Variants in VWA8 observed in about 807,000 individuals in gnomAD.
The protein encoded by VWA8 is von Willebrand factor A domain containing 8, also known as von Willebrand factor A domain-containing protein 8.
A neutral mutation model predicts 241.5 loss-of-function variants in VWA8; 221 were observed. The observed-to-expected ratio is 0.91, with a 90% CI of 0.82 to 1.02. The LOEUF (loss-of-function observed/expected upper bound fraction) is 1.02. Ranked by LOEUF, VWA8 falls within the 50% of genes least tolerant of loss-of-function variation. VWA8 has a pLI of 0.00. For synonymous variants in VWA8, 852 were observed against 827.1 expected, an observed-to-expected ratio of 1.03 and a Z score of -0.52; for missense variants, 2,322 against 2,328.7, an observed-to-expected ratio of 1.00 and a Z score of 0.06.
chr13:41,735,208 T>C (rs1052276389), intron 21 of VWA8, among the ~76,000 whole-genome samples: 1 of 152,194 alleles, frequency 6.6e-6, no homozygotes, highest in Non-Finnish European at 1.5e-5. Flanking sequence ...GGCAATAACA[T>C]GTCATCTTCC....
At chr13:41,953,704 G>A (rs1412158477) in intron 1 of VWA8, among the ~76,000 whole-genome samples, 1 of 152,164 alleles carries the variant, frequency 6.6e-6, no homozygotes, top group African/African-American at 2.4e-5. Context: ...AGCTACTTGG[G>A]AGACTGAAGC....
At chr13:41,578,304 C>G (rs750083754) in intron 42 of VWA8, among the ~76,000 whole-genome samples, 1 of 152,136 alleles carries the variant, frequency 6.6e-6, no homozygotes, top group Non-Finnish European at 1.5e-5. Context: ...TTTGCAGGCC[C>G]TGGTTTCTCA....
At chr13:41,679,641 A>T (rs370883394) in intron 35 of VWA8, among the ~76,000 whole-genome samples, 15 of 152,264 alleles carry the variant, frequency 9.9e-5, no homozygotes, top group South Asian at 6.2e-4. Flanking sequence ...AAGCTACCTC[A>T]TTATTGTGAA....
intron 37 of VWA8, among the ~76,000 whole-genome samples, chr13:41,647,137 T>C (rs865910810): frequency 4.6e-5 from 7 of 152,198 alleles, no homozygotes; most frequent in Non-Finnish European, 7.3e-5. Flanking sequence ...AGTACATCTC[T>C]GTTTATCATT....
chr13:41,657,909 C>A (rs185584294), intron 37 of VWA8, among the ~76,000 whole-genome samples: 3 of 152,206 alleles, frequency 2.0e-5, no homozygotes. Flanking sequence ...AAGGTCTTGT[C>A]CTAAGACGTC....
At chr13:41,594,184 T>C (rs2044474021) in intron 40 of VWA8, among the ~76,000 whole-genome samples, 1 of 151,716 alleles carries the variant, frequency 6.6e-6, no homozygotes, top group African/African-American at 2.4e-5. Context: ...GGTACGATCA[T>C]AGCTCACTGC....
At chr13:41,733,458 G>C (rs1012222222) in intron 21 of VWA8, among the ~76,000 whole-genome samples, 2 of 152,190 alleles carry the variant, frequency 1.3e-5, no homozygotes, top group Admixed American at 6.5e-5. Context: ...ATTGCTGATA[G>C]AACACTTGGA....
intron 32 of VWA8, among the ~76,000 whole-genome samples, chr13:41,690,770 G>A (rs1475003322): frequency 6.6e-6 from 1 of 152,130 alleles, no homozygotes; most frequent in African/African-American, 2.4e-5. Flanking sequence ...GGCAGAAAGA[G>A]TCTGCACTTA....
chr13:41,826,087 T>G (rs777767609), intron 14 of VWA8, among the ~76,000 whole-genome samples: 1 of 152,198 alleles, frequency 6.6e-6, no homozygotes, highest in Non-Finnish European at 1.5e-5. Flanking sequence ...AAGAACATAT[T>G]TATTTTCAGA....
chr13:41,808,512 C>T (rs1370693386), intron 17 of VWA8, among the ~76,000 whole-genome samples: 1 of 152,136 alleles, frequency 6.6e-6, no homozygotes, highest in East Asian at 1.9e-4. Flanking sequence ...CATGAGAACT[C>T]ACTCACTGTC....
intron 34 of VWA8, among the ~76,000 whole-genome samples, chr13:41,687,877 A>G (rs1221411215): frequency 6.6e-6 from 1 of 152,172 alleles, no homozygotes; most frequent in Non-Finnish European, 1.5e-5. Flanking sequence ...ACAGGCTATA[A>G]GAATTTCTAC....
rs778973721 is a variant in VWA8 at position 41,732,106 on chromosome 13, G to A, written c.2476C>T (p.Leu826Phe). Reference protein sequence around the residue: ...LTLQPSVKDGLIVYEDSPLVK... With the variant: ...LTLQPSVKDGFIVYEDSPLVK... ...AAAGGTGAGTCTTCATATACAATAA[G>A]TCCGTCTTTAACCGAAGGCTGAAGC... is the stretch of plus-strand genomic sequence containing the variant. The change falls in exon 22 of 45, where the codon CTT becomes TTT. Residue 826 changes from leucine (L) to phenylalanine (F), a missense_variant. By Grantham distance (22) the Leu-to-Phe change is conservative. Transcript: ENST00000379310. The A allele has an allele frequency of 5.5e-5, 89 of 1,613,086 alleles. No individual in the cohort carries two copies. The highest frequency in any genetic ancestry group is 7.2e-5 in the Non-Finnish European group (85 of 1,179,554).
At chr13:41,658,280 G>A (rs2044923422) in intron 37 of VWA8, among the ~76,000 whole-genome samples, 1 of 152,082 alleles carries the variant, frequency 6.6e-6, no homozygotes, top group Non-Finnish European at 1.5e-5. Flanking sequence ...GCAAAATGGT[G>A]AGATTCCAGT....
chr13:41,571,930 C>A (rs894112712), intron 43 of VWA8, among the ~76,000 whole-genome samples: 6 of 151,742 alleles, frequency 4.0e-5, no homozygotes, highest in Non-Finnish European at 8.8e-5. Context: ...CGCCCATCGT[C>A]TGAGATGTGA....
At chr13:41,602,487 A>G (rs2044528046) in intron 40 of VWA8, among the ~76,000 whole-genome samples, 1 of 152,138 alleles carries the variant, frequency 6.6e-6, no homozygotes, top group South Asian at 2.1e-4. Flanking sequence ...TCACAGGATT[A>G]TGAGAATTGA....
At chr13:41,834,037 A>G (rs1406234462) in intron 12 of VWA8, among the ~76,000 whole-genome samples, 1 of 152,230 alleles carries the variant, frequency 6.6e-6, no homozygotes, top group Admixed American at 6.5e-5. Flanking sequence ...TAGGACCATC[A>G]CAATGACTCA....
chr13:41,889,815 T>G (rs991369845), intron 5 of VWA8, among the ~76,000 whole-genome samples: 2 of 152,220 alleles, frequency 1.3e-5, no homozygotes, highest in African/African-American at 2.4e-5. Flanking sequence ...AAAAAATGAT[T>G]CCATATTCTG....
At chr13:41,605,341 T>C in intron 39 of VWA8, 65 bp from the exon 40 acceptor site, 1 of 1,501,298 alleles carries the variant, frequency 6.7e-7, no homozygotes, top group Non-Finnish European at 9.2e-7. Flanking sequence ...TTTACTTCCA[T>C]TCGCCTCCTG....
chr13:41,885,884 A>T, intron 8 of VWA8, 36 bp downstream of exon 8: 1 of 1,452,336 alleles, frequency 6.9e-7, no homozygotes, highest in Non-Finnish European at 9.4e-7. Flanking sequence ...TTTTTAACAT[A>T]TTTGGGTATG....
Sources: allele counts gnomAD v4.1 joint callset (sites outside exome capture counted in the v4.1 genomes callset), GRCh38; gene constraint gnomAD v4.1.1; transcripts MANE v1.5; gene names NCBI Gene and HGNC (gene_info 2026-07-23, HGNC 2026-07-21).